Variants in SPNS3 observed in about 807,000 individuals in gnomAD.
The protein encoded by SPNS3 is protein spinster homolog 3.
In SPNS3, 51 loss-of-function variants were observed where a neutral mutation model predicts 54.4. The observed-to-expected ratio is 0.94, with a 90% CI of 0.75 to 1.18. The LOEUF is 1.18. Among genes scored for constraint, SPNS3 ranks in the 50% most tolerant of loss-of-function variants. The probability of loss-of-function intolerance (pLI) is 0.00; values close to 1 mark genes in which losing one functional copy is unlikely to be tolerated. For synonymous variants in SPNS3, 309 were observed against 294.7 expected (o/e 1.05, Z -0.50); for missense variants, 669 against 677.4 (o/e 0.99, Z 0.14).
At chr17:4,444,874 T>A in intron 2 of SPNS3, 158 bp from the exon 3 acceptor site, 3 of 890,122 alleles carry the variant, frequency 3.4e-6, no homozygotes, top group Admixed American at 2.3e-5. Flanking sequence ...GGCCACGCAC[T>A]GTGAGGTTCA....
intron 8 of SPNS3, among the ~76,000 whole-genome samples, chr17:4,470,546 T>G (rs1431600984): frequency 1.3e-5 from 2 of 152,148 alleles, no homozygotes; most frequent in Non-Finnish European, 2.9e-5. Flanking sequence ...TTTAGAACAT[T>G]TTGCTCACCC....
intron 8 of SPNS3, among the ~76,000 whole-genome samples, chr17:4,468,237 A>G (rs192964707): frequency 6.6e-6 from 1 of 152,350 alleles, no homozygotes; most frequent in Admixed American, 6.5e-5. Flanking sequence ...GCTTAAGCTC[A>G]GGAGTTTGAG....
intron 2 of SPNS3, among the ~76,000 whole-genome samples, chr17:4,444,434 G>A (rs551524121): frequency 1.3e-5 from 2 of 151,864 alleles, no homozygotes; most frequent in African/African-American, 4.8e-5. Context: ...TGTTGCCCAG[G>A]CTGGTCTTAA....
intron 1 of SPNS3, among the ~76,000 whole-genome samples, chr17:4,438,226 T>C (rs1334995915): frequency 6.6e-6 from 1 of 152,226 alleles, no homozygotes; most frequent in African/African-American, 2.4e-5. Context: ...GCTCCCCTTC[T>C]GTGGTTCTGG....
Position 4,486,165 on chromosome 17 carries a change from G to T in SPNS3, c.1180-63G>T. The T allele has an allele frequency of 7.0e-7, 1 of 1,421,982 alleles. No individual in the cohort carries two copies. The highest frequency in any genetic ancestry group is 1.4e-5 in the African/African-American group (1 of 69,278). The allele number at this position is 1,421,982 out of a possible 1,614,324, so 88.1% of individuals were successfully genotyped here. ...TCCTCCAGGCAGGTCCTTGGCAGGT[G>T]GGGAACAGCAGGCAAGGGTGCCCTC... On this transcript the variant is annotated intron_variant, in intron 9 of 11. Coordinates refer to ENST00000355530, the MANE Select transcript of SPNS3 (RefSeq NM_182538.5). This position sits in a 1 kb window ranked among gnomAD's most constrained non-coding sequence, Gnocchi z 5.5.
chr17:4,450,762 ATTTT>A (rs11415054), intron 7 of SPNS3, among the ~76,000 whole-genome samples: 86 of 127,198 alleles, frequency 6.8e-4, no homozygotes, highest in African/African-American at 2.4e-3. Context: ...ATGCCCAGCT[ATTTT>A]TTTTTTTTTT....
chr17:4,450,264 CTCT>C (rs1205859424), intron 7 of SPNS3, among the ~76,000 whole-genome samples: 2 of 151,664 alleles, frequency 1.3e-5, no homozygotes, highest in African/African-American at 4.8e-5. Flanking sequence ...CTCCTTCCTC[CTCT>C]TTTCTCTCTT....
chr17:4,475,999 C>T (rs543701899), intron 8 of SPNS3, among the ~76,000 whole-genome samples: 7 of 152,168 alleles, frequency 4.6e-5, no homozygotes, highest in Non-Finnish European at 1.0e-4. Context: ...TGGCGTCGTA[C>T]CGTTGGGGAA....
chr17:4,485,873 G>A (rs557418063), intron 9 of SPNS3, among the ~76,000 whole-genome samples: 31 of 152,214 alleles, frequency 2.0e-4, no homozygotes, highest in Non-Finnish European at 4.1e-4. Context: ...CCCGCTCTTC[G>A]CCCTGCCCGC....
At chr17:4,453,418 G>T (rs117737945) in intron 8 of SPNS3, among the ~76,000 whole-genome samples, 8,666 of 152,172 alleles carry the variant, frequency 0.057, 305 homozygotes, top group Middle Eastern at 0.12. Context: ...GGAGGTCAAG[G>T]CCGGCCTGGC....
rs760952964 is a variant in SPNS3 at position 4,457,595 on chromosome 17, G to A, written c.1113+4390G>A. The stretch of plus-strand genomic sequence containing the variant: ...TGGTGGGGCCTGACCTCACAGGGAG[G>A]CTGGGGCCCAGGCAGATGGAGGCCC... On this transcript the variant is annotated intron_variant, in intron 8 of 11. Coordinates refer to ENST00000355530, the MANE Select transcript of SPNS3 (RefSeq NM_182538.5). Among the ~76,000 whole-genome samples, 33 of 152,306 alleles carry A rather than the reference G, an allele frequency of 2.2e-4. 1 individual carries two copies. The highest frequency in any genetic ancestry group is 4.1e-4 in the Non-Finnish European group (28 of 68,008).
intron 8 of SPNS3, among the ~76,000 whole-genome samples, chr17:4,467,949 G>A (rs1971728551): frequency 6.6e-6 from 1 of 152,236 alleles, no homozygotes; most frequent in Non-Finnish European, 1.5e-5. Flanking sequence ...GGGATTACAG[G>A]CATGGGCGAC....
At chr17:4,444,724 T>C (rs1391339252) in intron 2 of SPNS3, among the ~76,000 whole-genome samples, 3 of 152,090 alleles carry the variant, frequency 2.0e-5, no homozygotes, top group Non-Finnish European at 4.4e-5. Context: ...CCGCATTCAG[T>C]TCCCATCTCA....
At chr17:4,441,058 T>G (rs2143998083) in intron 2 of SPNS3, among the ~76,000 whole-genome samples, 1 of 152,256 alleles carries the variant, frequency 6.6e-6, no homozygotes, top group East Asian at 1.9e-4. Context: ...TCCCATAAAC[T>G]GAATAAACTC....
At chr17:4,473,421 A>C (rs1971909975) in intron 8 of SPNS3, among the ~76,000 whole-genome samples, 2 of 142,286 alleles carry the variant, frequency 1.4e-5, no homozygotes, top group Admixed American at 7.1e-5. Flanking sequence ...TTAAAGAGAG[A>C]GAGTCTCACT....
At chr17:4,463,612 G>A (rs751474720) in intron 8 of SPNS3, among the ~76,000 whole-genome samples, 10 of 149,980 alleles carry the variant, frequency 6.7e-5, no homozygotes, top group Admixed American at 2.0e-4. Flanking sequence ...GGCGGCATGC[G>A]CCTTTAATCC....
intron 9 of SPNS3, among the ~76,000 whole-genome samples, chr17:4,481,563 G>T (rs1369993406): frequency 6.6e-6 from 1 of 152,186 alleles, no homozygotes; most frequent in Admixed American, 6.5e-5. Context: ...GAAACTGCAG[G>T]TGTCTGGGTG....
intron 8 of SPNS3, among the ~76,000 whole-genome samples, chr17:4,475,132 T>C (rs1451007487): frequency 6.6e-6 from 1 of 152,140 alleles, no homozygotes; most frequent in Non-Finnish European, 1.5e-5. Context: ...TATCATCACT[T>C]TCCTAGCTCG....
intron 9 of SPNS3, among the ~76,000 whole-genome samples, chr17:4,480,822 C>G (rs998358190): frequency 1.4e-4 from 11 of 77,258 alleles, no homozygotes. Context: ...AGCCACAATG[C>G]TTTGCACCAC....
Sources: allele counts gnomAD v4.1 joint callset (sites outside exome capture counted in the v4.1 genomes callset), GRCh38; gene constraint gnomAD v4.1.1; non-coding constraint Gnocchi (gnomAD v3.1); transcripts MANE v1.5; gene names NCBI Gene and HGNC (gene_info 2026-07-23, HGNC 2026-07-21).